The following PREX1 variants were observed in gnomAD, a reference collection of about 807,000 sequenced individuals.
PREX1 encodes phosphatidylinositol-3,4,5-trisphosphate dependent Rac exchange factor 1, also known as phosphatidylinositol 3,4,5-trisphosphate-dependent Rac exchanger 1 protein.
Under a neutral mutation model 198.3 loss-of-function variants are expected in PREX1, and 41 were observed. That is an observed-to-expected ratio of 0.21 (90% CI 0.16 to 0.27). The LOEUF is 0.27. Ranked by LOEUF, PREX1 falls within the 10% of genes least tolerant of loss-of-function variation. PREX1 has a pLI of 1.00. For missense variants in PREX1, 1,620 were observed against 2,200.7 expected, an observed-to-expected ratio of 0.74 and a Z score of 5.28; for synonymous variants, 843 against 887.2, an observed-to-expected ratio of 0.95 and a Z score of 0.89.
At chr20:48,655,181 G>A in intron 19 of PREX1, 109 bp downstream of exon 19, 1 of 1,126,672 alleles carries the variant, frequency 8.9e-7, no homozygotes, top group Non-Finnish European at 1.3e-6. Flanking sequence ...AGTGCTGATG[G>A]TACATTGTCT....
rs1568841010 is a variant in PREX1 at position 48,726,357 on chromosome 20, T to G, written c.554A>C (p.Asp185Ala). ...CMLLGGRKTTDIPLEGYLLSP... is the reference protein window; with the variant it reads ...CMLLGGRKTTAIPLEGYLLSP... ...CAACAGGTAGCCTTCCAAAGGGATG[T>G]CCGTGGTCTTCCGGCCTCCCAGAAG... Residue 185 changes from aspartate to alanine, a missense_variant, in exon 5 of 40, where the codon GAC (aspartate) becomes GCC (alanine). This residue lies in a region of PREX1 where 488 missense variants were observed against 802.5 expected (regional missense o/e 0.61). Transcript: ENST00000371941. The G allele has an allele frequency of 6.2e-7, 1 of 1,613,692 alleles. No homozygotes were observed. The highest frequency in any genetic ancestry group is 1.7e-5 in the Admixed American group (1 of 59,990).
At chr20:48,795,961 T>C (rs1040639028) in intron 1 of PREX1, among the ~76,000 whole-genome samples, 1 of 151,996 alleles carries the variant, frequency 6.6e-6, no homozygotes, top group Admixed American at 6.6e-5. Context: ...CATCGATGTG[T>C]GGCAATGACA....
At chr20:48,764,820 G>C (rs983121690) in intron 1 of PREX1, among the ~76,000 whole-genome samples, 1 of 151,672 alleles carries the variant, frequency 6.6e-6, no homozygotes, top group African/African-American at 2.4e-5. Flanking sequence ...GAAAAAGAGG[G>C]AGGTAGGAGA....
rs537417847 is a variant in PREX1 at position 48,796,775 on chromosome 20, T to C, written c.219+30867A>G. On this transcript the variant is annotated intron_variant, in intron 1 of 39. Coordinates refer to ENST00000371941, the MANE Select transcript of PREX1 (RefSeq NM_020820.4). ...AATTATATATACATATATAGTTATA[T>C]ATACAGTTATATACACATATAATTA... 2.7e-5 allele frequency among the ~76,000 whole-genome samples: 4 copies of C among 147,468 alleles called. No individual in the cohort carries two copies. The South Asian group carries it at 8.6e-4, about 32-fold the overall frequency.
At chr20:48,715,827 A>G (rs1324048910) in intron 5 of PREX1, among the ~76,000 whole-genome samples, 1 of 152,164 alleles carries the variant, frequency 6.6e-6, no homozygotes, top group Admixed American at 6.5e-5. Context: ...TCGAAATTTA[A>G]GTGTATTAAG....
chr20:48,883,867 G>A, the PREX1 span, among the ~76,000 whole-genome samples: 4 of 151,698 alleles, frequency 2.6e-5, no homozygotes, highest in African/African-American at 4.9e-5. Context: ...GGGGCCGGGC[G>A]CAGTGGCTCA....
At chr20:48,673,376 T>C (rs2089688813) in intron 14 of PREX1, among the ~76,000 whole-genome samples, 1 of 152,174 alleles carries the variant, frequency 6.6e-6, no homozygotes, top group Admixed American at 6.5e-5. Flanking sequence ...TATCTCCAAA[T>C]ACCTCTCAGA....
At chr20:48,881,412 T>C in the PREX1 span, among the ~76,000 whole-genome samples, 337 of 152,302 alleles carry the variant, frequency 2.2e-3, 2 homozygotes, top group African/African-American at 8.0e-3. Flanking sequence ...CTCATATTTT[T>C]GGCCTTTGTA....
At chr20:48,702,848 C>A (rs936648112) in intron 6 of PREX1, among the ~76,000 whole-genome samples, 7 of 152,218 alleles carry the variant, frequency 4.6e-5, no homozygotes, top group African/African-American at 1.7e-4. Flanking sequence ...AAGGTACAGA[C>A]AACAGGGTGC....
the PREX1 span, among the ~76,000 whole-genome samples, chr20:48,864,381 G>A: frequency 6.6e-6 from 1 of 152,188 alleles, no homozygotes; most frequent in South Asian, 2.1e-4. Flanking sequence ...CAATAACCAA[G>A]TAAATAAATG....
chr20:48,679,306 C>T, intron 13 of PREX1, 54 bp downstream of exon 13: 1 of 1,535,424 alleles, frequency 6.5e-7, no homozygotes, highest in Non-Finnish European at 9.0e-7. Context: ...AGCCCAAGGC[C>T]ACACAGCTGA....
intron 23 of PREX1, among the ~76,000 whole-genome samples, 182 bp from the exon 24 acceptor site, chr20:48,650,388 A>C (rs2089485315): frequency 6.6e-6 from 1 of 152,242 alleles, no homozygotes. Context: ...ACTGCAGGGA[A>C]GGCCTGGAGG....
intron 1 of PREX1, among the ~76,000 whole-genome samples, chr20:48,773,036 G>A (rs898693439): frequency 6.6e-6 from 1 of 152,118 alleles, no homozygotes; most frequent in Non-Finnish European, 1.5e-5. Context: ...GGAGGCCGAG[G>A]GAGGCAAATC....
intron 1 of PREX1, among the ~76,000 whole-genome samples, chr20:48,763,770 G>C (rs1398074660): frequency 6.6e-6 from 1 of 152,156 alleles, no homozygotes; most frequent in Non-Finnish European, 1.5e-5. Context: ...ATTTTTCCCA[G>C]AGCCTGCTCG....
intron 5 of PREX1, among the ~76,000 whole-genome samples, chr20:48,726,008 T>G (rs1264131115): frequency 6.6e-6 from 1 of 152,116 alleles, no homozygotes; most frequent in Non-Finnish European, 1.5e-5. Flanking sequence ...ATCTCAGGAC[T>G]TTCCTCAGCT....
rs2090517685 is a variant in PREX1 at position 48,827,940 on chromosome 20, G to T, written c.-80C>A. ...GCGTCCAGGCGCCCCATCCCGGACG[G>T]GGCGCGCCGGCGGGCCGGGCTCAGC... On this transcript the variant is annotated 5_prime_UTR_variant, in exon 1 of 40. Transcript: ENST00000371941. The surrounding 1 kb of genome is among the most constrained non-coding windows in gnomAD (Gnocchi z 4.1). 1 of 524,698 alleles carries T rather than the reference G, an allele frequency of 1.9e-6. No individual in the cohort carries two copies. The highest frequency in any genetic ancestry group is 8.0e-5 in the South Asian group (1 of 12,538). 32.5% of individuals were successfully genotyped at this position (524,698 alleles called of 1,614,324 possible).
Position 48,634,788 on chromosome 20 carries a change from G to T in PREX1, c.4168-13C>A. ...TCCGTTCCTCCTTCTGCAGGAAGAA[G>T]ACAGCGCGGAGGAGTCTCAGATGCC... On this transcript the variant is annotated splice_polypyrimidine_tract_variant and intron_variant, in intron 32 of 39. Coordinates refer to ENST00000371941, the MANE Select transcript of PREX1 (RefSeq NM_020820.4). 1 of 1,612,752 alleles carries T rather than the reference G, an allele frequency of 6.2e-7. No homozygotes were observed. The highest frequency in any genetic ancestry group is 8.5e-7 in the Non-Finnish European group (1 of 1,178,762).
At chr20:48,658,291 C>A in intron 16 of PREX1, 63 bp from the exon 17 acceptor site, 2 of 1,538,102 alleles carry the variant, frequency 1.3e-6, no homozygotes, top group Non-Finnish European at 1.8e-6. Context: ...CCAGCCCCAC[C>A]GTGGCCCCCA....
At chr20:48,663,910 GCA>G (rs11472118) in intron 15 of PREX1, among the ~76,000 whole-genome samples, 12 of 149,772 alleles carry the variant, frequency 8.0e-5, no homozygotes, top group Admixed American at 1.3e-4. Flanking sequence ...GTGAGTGCGC[GCA>G]CACACACACA....
Sources: gnomAD v4.1 joint callset for allele counts (sites outside exome capture counted in the v4.1 genomes callset) on GRCh38, gnomAD v4.1.1 for gene constraint, gnomAD v4.1.1 regional missense constraint, Gnocchi (gnomAD v3.1) non-coding constraint, MANE v1.5 for transcripts, NCBI Gene and HGNC (gene_info 2026-07-23, HGNC 2026-07-21) for gene names.